ZNF676: variants seen among roughly 807,000 people sequenced by gnomAD.
ZNF676 encodes the protein zinc finger protein 676.
Under a neutral mutation model 6.0 loss-of-function variants are expected in ZNF676, and 4 were observed. The observed-to-expected ratio is 0.67, with a 90% CI of 0.33 to 1.53. ZNF676 has a LOEUF of 1.53. Among genes scored for constraint, ZNF676 ranks in the 40% most tolerant of loss-of-function variants. The pLI is 0.06. For missense variants in ZNF676, 644 were observed against 679.7 expected (o/e 0.95, Z 0.58); for synonymous variants, 198 against 223.1 (o/e 0.89, Z 1.00).
the ZNF676 span, among the ~76,000 whole-genome samples, chr19:22,248,427 T>C: frequency 6.6e-6 from 1 of 152,226 alleles, no homozygotes; most frequent in Non-Finnish European, 1.5e-5. Flanking sequence ...GACTTTTTAA[T>C]GATCACATGT....
the ZNF676 span, among the ~76,000 whole-genome samples, chr19:22,224,043 T>C: frequency 1.3e-5 from 2 of 151,612 alleles, no homozygotes; most frequent in Admixed American, 6.6e-5. Flanking sequence ...CTTCTATTTA[T>C]GATTATACTG....
the ZNF676 span, among the ~76,000 whole-genome samples, chr19:22,257,489 G>A: frequency 1.3e-5 from 2 of 152,260 alleles, no homozygotes; most frequent in East Asian, 1.9e-4. Context: ...TTCTGGCAGG[G>A]ACCAGGCAGA....
chr19:22,206,161 T>C (rs2024074754), intron 1 of ZNF676, among the ~76,000 whole-genome samples: 1 of 151,734 alleles, frequency 6.6e-6, no homozygotes. Context: ...ACCAACTAAA[T>C]GAAGCTCAGG....
At chr19:22,239,342 AT>A in the ZNF676 span, among the ~76,000 whole-genome samples, 2 of 150,420 alleles carry the variant, frequency 1.3e-5, no homozygotes, top group Admixed American at 6.6e-5. Flanking sequence ...TGCCCGGCTA[AT>A]TTTTTTTTGT....
At position 22,180,308 on chromosome 19, in the gene ZNF676, A is replaced by G. The variant is rs1490133778; in HGVS notation, c.1409T>C (p.Ile470Thr). The G allele has an allele frequency of 6.2e-7, 1 of 1,612,610 alleles. No individual in the cohort carries two copies. Among genetic ancestry groups the G allele is most frequent in the Non-Finnish European group, 8.5e-7 (1 of 1,178,800 alleles). ...TTTGTAAGGTTTCTCTGCAGCATGA[A>G]TTCTCTTGTGTTTAGTAAAGCTTGA... ...WSSSFTKHKR[I>T]HAAEKPYKCE... Residue 470 changes from isoleucine (I) to threonine (T), a missense_variant, in exon 3 of 3, where the codon ATT (isoleucine) becomes ACT (threonine). Physicochemically the swap from Ile to Thr is moderately conservative, Grantham distance 89. Around this residue, in one of 5 missense-constraint regions of ZNF676, gnomAD observed 306 missense variants for 265.4 expected, o/e 1.15. Transcript: ENST00000397121.
At chr19:22,230,742 T>C in the ZNF676 span, among the ~76,000 whole-genome samples, 2 of 152,000 alleles carry the variant, frequency 1.3e-5, no homozygotes, top group Non-Finnish European at 2.9e-5. Context: ...CACTGCCACC[T>C]CTGCCTTCCA....
At chr19:22,203,599 A>AT (rs111870802) in intron 1 of ZNF676, 10,644 of 147,642 alleles carry the variant, frequency 0.072, 560 homozygotes, top group African/African-American at 0.15. Flanking sequence ...TCTCAGCACA[A>AT]TTTTTTTTTT....
the ZNF676 span, among the ~76,000 whole-genome samples, chr19:22,240,876 G>A: frequency 3.9e-5 from 6 of 151,988 alleles, no homozygotes; most frequent in Admixed American, 2.0e-4. Context: ...CCATGCAGAA[G>A]AAGAGAGTCA....
chr19:22,186,607 G>T (rs1199167197), intron 2 of ZNF676, among the ~76,000 whole-genome samples: 1 of 152,194 alleles, frequency 6.6e-6, no homozygotes, highest in Admixed American at 6.5e-5. Context: ...AAAGATTCAA[G>T]ATCCAACAAA....
chr19:22,240,165 C>T, the ZNF676 span, among the ~76,000 whole-genome samples: 21 of 152,312 alleles, frequency 1.4e-4, no homozygotes, highest in African/African-American at 4.8e-4. Flanking sequence ...ACATCATCTA[C>T]ATGTTGGGAC....
At chr19:22,234,348 C>A in the ZNF676 span, among the ~76,000 whole-genome samples, 1 of 152,096 alleles carries the variant, frequency 6.6e-6, no homozygotes, top group East Asian at 1.9e-4. Context: ...AAATGGAGAC[C>A]ATGGGCATTT....
intron 1 of ZNF676, among the ~76,000 whole-genome samples, chr19:22,213,692 A>T (rs1190289046): frequency 6.6e-6 from 1 of 151,936 alleles, no homozygotes; most frequent in Non-Finnish European, 1.5e-5. Context: ...GAGAGGCTAC[A>T]CTCCATACCT....
intron 2 of ZNF676, among the ~76,000 whole-genome samples, chr19:22,189,514 A>G (rs1156387108): frequency 6.6e-6 from 1 of 152,188 alleles, no homozygotes; most frequent in Non-Finnish European, 1.5e-5. Flanking sequence ...GCCAAAATTG[A>G]CAAAAGGGAC....
rs2023725441 is a variant in ZNF676, at chr19:22,180,677, T to A, written c.1040A>T (p.Asn347Ile). 2 of 1,610,796 alleles carry A rather than the reference T, an allele frequency of 1.2e-6. No homozygotes were observed. Among genetic ancestry groups the A allele is most frequent in the African/African-American group, 2.7e-5 (2 of 74,324 alleles). ...ATGTTTAGTAAGGATTGAGGATCGATTAAAAGCTTTCCCGCATTCTTCACA... is the reference window on the plus strand; with the variant it reads ...ATGTTTAGTAAGGATTGAGGATCGAATAAAAGCTTTCCCGCATTCTTCACA... ...YKCEECGKAF[N>I]RSSILTKHKI... Residue 347 changes from asparagine to isoleucine, a missense_variant, in exon 3 of 3, where the codon AAT becomes ATT. By Grantham distance (149) the Asn-to-Ile change is moderately radical (BLOSUM62 -3). This residue lies in a region of ZNF676 where 29 missense variants were observed against 44.4 expected (regional missense o/e 0.65). Coordinates refer to ENST00000397121, the MANE Select transcript of ZNF676 (RefSeq NM_001001411.3).
chr19:22,218,327 T>G (rs2024213870), upstream of ZNF676, among the ~76,000 whole-genome samples: 1 of 151,890 alleles, frequency 6.6e-6, no homozygotes, highest in Non-Finnish European at 1.5e-5. Context: ...GAGATGAAGA[T>G]ACTTTTTTTT....
the ZNF676 span, among the ~76,000 whole-genome samples, chr19:22,252,327 G>A: frequency 1.3e-5 from 2 of 150,284 alleles, no homozygotes; most frequent in Non-Finnish European, 2.9e-5. Flanking sequence ...CCCAGGAGGC[G>A]GAAGCTGCAG....
chr19:22,193,696 TA>T (rs1568529883), intron 1 of ZNF676, among the ~76,000 whole-genome samples: 3 of 152,236 alleles, frequency 2.0e-5, no homozygotes, highest in African/African-American at 7.2e-5. Context: ...GAAACTCCCA[TA>T]CAAAAAATTT....
the ZNF676 span, among the ~76,000 whole-genome samples, chr19:22,226,060 C>G: frequency 6.6e-6 from 1 of 151,840 alleles, no homozygotes; most frequent in East Asian, 1.9e-4. Context: ...CACTTATTAG[C>G]TATTTTTTAT....
chr19:22,180,647 A>T lies in ZNF676; in HGVS notation c.1070T>A (p.Ile357Asn). 1 of 1,611,062 alleles carries T rather than the reference A, an allele frequency of 6.2e-7. No individual in the cohort carries two copies. Among genetic ancestry groups the T allele is most frequent in the Non-Finnish European group, 8.5e-7 (1 of 1,179,236 alleles). Reference protein sequence around the residue: ...NRSSILTKHKIIHTGEKPYKC... With the variant: ...NRSSILTKHKNIHTGEKPYKC... Reference sequence around the variant, plus strand: ...GTAGGGTTTCTCTCCAGTATGAATAATCTTATGTTTAGTAAGGATTGAGGA... The same window carrying T: ...GTAGGGTTTCTCTCCAGTATGAATATTCTTATGTTTAGTAAGGATTGAGGA... The change falls in exon 3 of 3, where the codon ATT becomes AAT. Residue 357 changes from isoleucine (I) to asparagine (N), a missense_variant. Physicochemically the swap from Ile to Asn is moderately radical, Grantham distance 149 (BLOSUM62 -3). Coordinates refer to ENST00000397121, the MANE Select transcript of ZNF676 (RefSeq NM_001001411.3).
Sources: allele counts gnomAD v4.1 joint callset (sites outside exome capture counted in the v4.1 genomes callset), GRCh38; gene constraint gnomAD v4.1.1; regional missense constraint gnomAD v4.1.1; transcripts MANE v1.5; gene names NCBI Gene and HGNC (gene_info 2026-07-23, HGNC 2026-07-21).